The following TMED5 variants were observed in gnomAD, a reference collection of about 807,000 sequenced individuals.
TMED5 encodes the protein transmembrane p24 trafficking protein 5.
TMED5 carries 27 observed loss-of-function variants against 23.0 expected under a neutral mutation model. That is an observed-to-expected ratio of 1.17 (90% CI 0.86 to 1.62). The LOEUF is 1.62. TMED5 is among the 40% of genes most tolerant of loss of function. The pLI, the probability that TMED5 is intolerant of heterozygous loss-of-function variation, is 0.00. For synonymous variants in TMED5, 97 were observed against 100.8 expected (o/e 0.96, Z 0.23); for missense variants, 248 against 273.7 (o/e 0.91, Z 0.66).
At chr1:93,155,219 G>A (rs1648022126) in intron 3 of TMED5, among the ~76,000 whole-genome samples, 1 of 152,110 alleles carries the variant, frequency 6.6e-6, no homozygotes, top group South Asian at 2.1e-4. Flanking sequence ...GAGTGAGTGA[G>A]ACCCTGTCTC....
At position 93,155,003 on chromosome 1, in the gene TMED5, C is replaced by G. The variant is rs1255984981; in HGVS notation, c.472-115G>C. 9.4e-6 allele frequency: 7 copies of G among 745,060 alleles called. No individual in the cohort carries two copies. The African/African-American group carries it at 1.2e-4, about 13-fold the overall frequency. 46.2% of individuals were successfully genotyped at this position (745,060 alleles called of 1,614,324 possible). A position where few individuals can be genotyped will look rare whatever the true frequency, so the allele number is the denominator to read the frequency against. ...CTTGTAATCCTGGAACTTTGGGAGACTAGGGCAGGAGGACCCCTTGAACCC... is the reference window on the plus strand; with the variant it reads ...CTTGTAATCCTGGAACTTTGGGAGAGTAGGGCAGGAGGACCCCTTGAACCC... On this transcript the variant is annotated intron_variant, in intron 3 of 3. Transcript: ENST00000370282.
rs1252193824 is a variant in TMED5, at chr1:93,154,293, G to A, written c.*377C>T. Reference sequence around the variant, plus strand: ...CTTCCACAGTTAATTTGTAACTGCCGCATTTACAAAAAAGTTCTGGGTAAT... The same window carrying A: ...CTTCCACAGTTAATTTGTAACTGCCACATTTACAAAAAAGTTCTGGGTAAT... On this transcript the variant is annotated 3_prime_UTR_variant, in exon 4 of 4. Coordinates refer to ENST00000370282, the MANE Select transcript of TMED5 (RefSeq NM_016040.5). 1.2e-5 allele frequency: 2 copies of A among 167,588 alleles called. No individual in the cohort carries two copies. Among genetic ancestry groups the A allele is most frequent in the East Asian group, 1.8e-4 (1 of 5,684 alleles). 10.4% of individuals were successfully genotyped at this position (167,588 alleles called of 1,614,324 possible). A position where few individuals can be genotyped will look rare whatever the true frequency, so the allele number is the denominator to read the frequency against.
In TMED5 at chr1:93,150,704, G is replaced by A. The variant is rs941793475; in HGVS notation, c.*3966C>T. 2 of 152,166 alleles carry A rather than the reference G, an allele frequency of 1.3e-5. No individual in the cohort carries two copies. The highest frequency in any genetic ancestry group is 2.9e-5 in the Non-Finnish European group (2 of 68,026). 9.4% of individuals were successfully genotyped at this position (152,166 alleles called of 1,614,324 possible). On this transcript the variant is annotated 3_prime_UTR_variant, in exon 4 of 4. Transcript: ENST00000370282. The stretch of plus-strand genomic sequence containing the variant: ...TAGAATTGAAATCAAGGGTAGAAAG[G>A]TTAGATTTAGTCCAGCCTCCCATTT...
At position 93,152,388 on chromosome 1, in the gene TMED5, A is replaced by G. The variant is rs942545211; in HGVS notation, c.*2282T>C. 4 of 152,456 alleles carry G rather than the reference A, an allele frequency of 2.6e-5. No individual in the cohort carries two copies. The highest frequency in any genetic ancestry group is 9.6e-5 in the African/African-American group (4 of 41,578). The allele number at this position is 152,456 out of a possible 1,614,324, so 9.4% of individuals were successfully genotyped here. A position where few individuals can be genotyped will look rare whatever the true frequency, so the allele number is the denominator to read the frequency against. ...GGAATAGTGAAATTAAAAAAAGCAT[A>G]TGAAGCAGATAAACAGTATGTCTTT... On this transcript the variant is annotated 3_prime_UTR_variant, in exon 4 of 4. Coordinates refer to ENST00000370282, the MANE Select transcript of TMED5 (RefSeq NM_016040.5).
intron 1 of TMED5, among the ~76,000 whole-genome samples, chr1:93,167,468 G>T (rs970592189): frequency 4.0e-5 from 6 of 151,896 alleles, no homozygotes; most frequent in Non-Finnish European, 5.9e-5. Flanking sequence ...TCATTGTAGC[G>T]ATCTTTCATT....
rs1647845285 is a variant in TMED5 at position 93,150,761 on chromosome 1, A to G, written c.*3909T>C. On this transcript the variant is annotated 3_prime_UTR_variant, in exon 4 of 4. Transcript: ENST00000370282. ...AGCTGTAGTAACAATCCCCTTTACA[A>G]CATTTGATCATTATTGCCACTTAAC... 1 of 152,208 alleles carries G rather than the reference A, an allele frequency of 6.6e-6. No individual in the cohort carries two copies. Among genetic ancestry groups the G allele is most frequent in the African/African-American group, 2.4e-5 (1 of 41,460 alleles). 9.4% of individuals were successfully genotyped at this position (152,208 alleles called of 1,614,324 possible).
At chr1:93,179,256 G>T (rs1372382003) in intron 1 of TMED5, among the ~76,000 whole-genome samples, 1 of 151,918 alleles carries the variant, frequency 6.6e-6, no homozygotes, top group African/African-American at 2.4e-5. Flanking sequence ...CAGCTACTCG[G>T]AAGGCTGAGG....
chr1:93,175,175 T>A (rs983019837), intron 1 of TMED5, among the ~76,000 whole-genome samples: 4 of 119,840 alleles, frequency 3.3e-5, no homozygotes, highest in African/African-American at 1.6e-4. Flanking sequence ...TAAAAGCCAT[T>A]TATATATATA....
intron 1 of TMED5, 99 bp downstream of exon 1, chr1:93,179,952 TCAC>T (rs1649237828): frequency 3.8e-6 from 5 of 1,305,548 alleles, no homozygotes; most frequent in Admixed American, 2.6e-5. Flanking sequence ...CCTCGCCTCT[TCAC>T]CACCAGGGCC....
intron 1 of TMED5, chr1:93,161,464 T>TTA (rs911556444): frequency 4.6e-5 from 7 of 152,370 alleles, no homozygotes; most frequent in Non-Finnish European, 8.8e-5. Context: ...ATTGTATTCA[T>TTA]TCTTTAAGAG....
intron 1 of TMED5, among the ~76,000 whole-genome samples, chr1:93,169,268 G>A (rs1648614107): frequency 6.6e-6 from 1 of 152,160 alleles, no homozygotes; most frequent in South Asian, 2.1e-4. Context: ...CACAAAAATA[G>A]CTGTAAAATT....
At chr1:93,176,938 A>G (rs1235385178) in intron 1 of TMED5, among the ~76,000 whole-genome samples, 1 of 152,240 alleles carries the variant, frequency 6.6e-6, no homozygotes, top group Non-Finnish European at 1.5e-5. Flanking sequence ...TTTAGTCATA[A>G]GATACATGAA....
chr1:93,160,094 T>A, intron 2 of TMED5, 35 bp downstream of exon 2: 1 of 1,321,628 alleles, frequency 7.6e-7, no homozygotes, highest in Non-Finnish European at 1.1e-6. Context: ...CTGGTATTAT[T>A]CAGCAATGAA....
rs761378031 is a variant in TMED5, at chr1:93,180,180, C to T, written c.63G>A (p.Leu21=). Reference sequence around the variant, plus strand: ...GTGTGAAGCCGGCCGCCCCAGGCAGCAGCACCGGAGGCAGAGCGGCCAGAA... The same window carrying T: ...GTGTGAAGCCGGCCGCCCCAGGCAGTAGCACCGGAGGCAGAGCGGCCAGAA... ...VLLLAALPPV[L]LPGAAGFTPS... The change falls in exon 1 of 4, where the codon CTG becomes CTA. Residue 21 remains leucine (L), a synonymous_variant. Transcript: ENST00000370282. The T allele has an allele frequency of 6.8e-6, 11 of 1,613,334 alleles. No homozygotes were observed. The highest frequency in any genetic ancestry group is 8.5e-6 in the Non-Finnish European group (10 of 1,179,758).
At chr1:93,174,321 T>A (rs921655428) in intron 1 of TMED5, among the ~76,000 whole-genome samples, 10 of 152,120 alleles carry the variant, frequency 6.6e-5, no homozygotes, top group Admixed American at 2.6e-4. Flanking sequence ...GGAGGTTGTA[T>A]ATTACTTTTA....
intron 2 of TMED5, chr1:93,158,821 C>T: frequency 6.8e-6 from 4 of 585,736 alleles, no homozygotes; most frequent in Non-Finnish European, 8.6e-6. Context: ...CCACCTTGGC[C>T]TCGGAAAGTG....
At chr1:93,166,249 A>G (rs1164596938) in intron 1 of TMED5, among the ~76,000 whole-genome samples, 1 of 152,194 alleles carries the variant, frequency 6.6e-6, no homozygotes, top group African/African-American at 2.4e-5. Flanking sequence ...TCTCTTTGAC[A>G]TACTGATTTT....
intron 1 of TMED5, among the ~76,000 whole-genome samples, chr1:93,175,358 T>G: frequency 6.8e-6 from 1 of 146,192 alleles, no homozygotes; most frequent in African/African-American, 2.5e-5. Flanking sequence ...GCTTTTGAGT[T>G]TTTGTTTTTT....
chr1:93,175,175 TTATATA>T (rs201008342), intron 1 of TMED5, among the ~76,000 whole-genome samples: 6 of 119,860 alleles, frequency 5.0e-5, no homozygotes, highest in African/African-American at 1.2e-4. Context: ...TAAAAGCCAT[TTATATA>T]TATATATATA....
Sources: gnomAD v4.1 joint callset for allele counts (sites outside exome capture counted in the v4.1 genomes callset) on GRCh38, gnomAD v4.1.1 for gene constraint, MANE v1.5 for transcripts, NCBI Gene and HGNC (gene_info 2026-07-23, HGNC 2026-07-21) for gene names.